Variants in RBFOX1 observed in about 807,000 individuals in gnomAD.
RBFOX1 encodes the protein RNA binding protein fox-1 homolog 1.
In RBFOX1, 8 loss-of-function variants were observed where a neutral mutation model predicts 57.7. The ratio of observed to expected loss-of-function variants is 0.14; its 90% CI spans 0.08 to 0.25. The LOEUF (loss-of-function observed/expected upper bound fraction) is 0.25. RBFOX1 is among the 10% of genes least tolerant of loss of function. The pLI is 1.00. For missense variants in RBFOX1, 611 were observed against 548.5 expected (o/e 1.11, Z -1.14); for synonymous variants, 326 against 222.4 (o/e 1.47, Z -4.15).
chr16:6,816,382 A>G (rs574147832), intron 3 of RBFOX1, among the ~76,000 whole-genome samples: 17 of 151,966 alleles, frequency 1.1e-4, no homozygotes, highest in African/African-American at 3.1e-4. Flanking sequence ...ATGAAAGTCA[A>G]TCTTCGGTTT....
chr16:7,155,470 C>CT (rs1475089275), intron 4 of RBFOX1, among the ~76,000 whole-genome samples: 37 of 151,324 alleles, frequency 2.4e-4, no homozygotes, highest in Non-Finnish European at 4.7e-4. Flanking sequence ...GTGGTATGCA[C>CT]TTGTAGTCTC....
At chr16:5,799,265 T>C (rs1240526784) in intron 3 of RBFOX1, among the ~76,000 whole-genome samples, 1 of 152,142 alleles carries the variant, frequency 6.6e-6, no homozygotes, top group Non-Finnish European at 1.5e-5. Context: ...ATGACTCATT[T>C]ATCTCCCACT....
intron 12 of RBFOX1, among the ~76,000 whole-genome samples, chr16:7,664,086 T>G (rs2068528918): frequency 6.6e-6 from 1 of 152,150 alleles, no homozygotes; most frequent in South Asian, 2.1e-4. Flanking sequence ...TAGATATAAT[T>G]TACGTGAACA....
At position 6,676,965 on chromosome 16, in the gene RBFOX1, C is replaced by T. The variant is rs34538456; in HGVS notation, c.-16+22315C>T. 9.7e-3 allele frequency among the ~76,000 whole-genome samples: 1,482 copies of T among 152,164 alleles called. 16 individuals are homozygous for T. Among genetic ancestry groups the T allele is most frequent in the Non-Finnish European group, 0.011 (725 of 68,010 alleles). On this transcript the variant is annotated intron_variant, in intron 3 of 15. Transcript: ENST00000550418. ...TGCTGGGATTACAGGCATGAGCCAC[C>T]ATGCCCAGCCGTTAACTCAACTTTC... is the stretch of plus-strand genomic sequence containing the variant.
At chr16:6,218,518 C>G (rs2097350933) in intron 1 of RBFOX1, among the ~76,000 whole-genome samples, 1 of 152,086 alleles carries the variant, frequency 6.6e-6, no homozygotes, top group Non-Finnish European at 1.5e-5. Context: ...CCCTGTTTGC[C>G]AGGCTGATCT....
intron 14 of RBFOX1, among the ~76,000 whole-genome samples, chr16:7,703,195 C>G (rs987471316): frequency 2.0e-5 from 3 of 152,132 alleles, no homozygotes; most frequent in Non-Finnish European, 2.9e-5. Context: ...AAGACTATGC[C>G]TTAGATATAA....
At chr16:6,076,191 C>T (rs2095897032) in intron 1 of RBFOX1, among the ~76,000 whole-genome samples, 1 of 151,676 alleles carries the variant, frequency 6.6e-6, no homozygotes, top group African/African-American at 2.4e-5. Context: ...CCCAGCTACT[C>T]GGGAGGCTGA....
intron 4 of RBFOX1, among the ~76,000 whole-genome samples, chr16:7,129,094 C>T: frequency 6.6e-6 from 1 of 152,116 alleles, no homozygotes. Flanking sequence ...GCTGGGATTA[C>T]AGGTGTGAGC....
intron 2 of RBFOX1, among the ~76,000 whole-genome samples, chr16:6,360,963 A>ATTTTATTTTG (rs2088383011): frequency 6.6e-6 from 1 of 150,720 alleles, no homozygotes; most frequent in South Asian, 2.1e-4. Flanking sequence ...ATTTTATTTT[A>ATTTTATTTTG]TTTTATTTTA....
At chr16:6,398,199 C>A (rs2092919994) in intron 2 of RBFOX1, among the ~76,000 whole-genome samples, 1 of 151,960 alleles carries the variant, frequency 6.6e-6, no homozygotes, top group Non-Finnish European at 1.5e-5. Flanking sequence ...AGGGTCACCG[C>A]CCCCATGGTT....
At chr16:6,925,951 T>C (rs1043588306) in intron 3 of RBFOX1, among the ~76,000 whole-genome samples, 5 of 152,104 alleles carry the variant, frequency 3.3e-5, no homozygotes, top group Admixed American at 6.6e-5. Flanking sequence ...TAACCTAAAC[T>C]CATCGTTAAG....
At chr16:5,771,352 C>G (rs1447485633) in intron 3 of RBFOX1, among the ~76,000 whole-genome samples, 2 of 152,212 alleles carry the variant, frequency 1.3e-5, no homozygotes, top group Admixed American at 6.5e-5. Context: ...CTATTCTAGT[C>G]AAACCAGTAG....
chr16:6,766,604 T>G (rs1402427085), intron 3 of RBFOX1, among the ~76,000 whole-genome samples: 1 of 151,960 alleles, frequency 6.6e-6, no homozygotes, highest in Non-Finnish European at 1.5e-5. Context: ...ATGGGACTTG[T>G]GAGCACTCAC....
intron 3 of RBFOX1, among the ~76,000 whole-genome samples, chr16:6,823,589 T>C (rs1567416123): frequency 6.6e-6 from 1 of 152,138 alleles, no homozygotes; most frequent in Non-Finnish European, 1.5e-5. Context: ...GAGTATATTA[T>C]CTTCTTCCTT....
intron 3 of RBFOX1, among the ~76,000 whole-genome samples, chr16:6,874,369 G>T (rs916590297): frequency 6.6e-6 from 1 of 151,960 alleles, no homozygotes. Context: ...AATTAGCCAG[G>T]CATATTGGCA....
intron 2 of RBFOX1, among the ~76,000 whole-genome samples, chr16:5,532,172 C>T (rs948895976): frequency 8.5e-5 from 13 of 152,282 alleles, no homozygotes; most frequent in African/African-American, 2.6e-4. Flanking sequence ...TTAGAAAATT[C>T]TTGGTCATGG....
At chr16:5,495,358 G>A (rs1460406054) in intron 2 of RBFOX1, among the ~76,000 whole-genome samples, 3 of 152,208 alleles carry the variant, frequency 2.0e-5, no homozygotes, top group South Asian at 2.1e-4. Flanking sequence ...GGGGGAACGT[G>A]TTGCAGACTT....
intron 3 of RBFOX1, among the ~76,000 whole-genome samples, chr16:5,727,131 C>G (rs60557743): frequency 2.6e-5 from 4 of 152,068 alleles, no homozygotes; most frequent in African/African-American, 9.7e-5. Flanking sequence ...GCTGGGTGTT[C>G]TTTCATGTGC....
chr16:6,625,153 T>C (rs1601871651), intron 2 of RBFOX1, among the ~76,000 whole-genome samples: 1 of 68,164 alleles, frequency 1.5e-5, no homozygotes, highest in African/African-American at 6.0e-5. Context: ...CCACCAACCC[T>C]ATCTAAAAAA....
Sources: gnomAD v4.1 joint callset for allele counts (sites outside exome capture counted in the v4.1 genomes callset) on GRCh38, gnomAD v4.1.1 for gene constraint, MANE v1.5 for transcripts, NCBI Gene and HGNC (gene_info 2026-07-23, HGNC 2026-07-21) for gene names.